The following LCP2 variants were observed in gnomAD, a reference collection of about 807,000 sequenced individuals.
The protein encoded by LCP2 is lymphocyte cytosolic protein 2.
Under a neutral mutation model 74.5 loss-of-function variants are expected in LCP2, and 29 were observed. The observed-to-expected ratio is 0.39, with a 90% CI of 0.29 to 0.53. The LOEUF (loss-of-function observed/expected upper bound fraction) is 0.53. LCP2 is among the 20% of genes least tolerant of loss of function. The pLI, the probability that LCP2 is intolerant of heterozygous loss-of-function variation, is 0.72. For synonymous variants in LCP2, 228 were observed against 229.5 expected, an observed-to-expected ratio of 0.99 and a Z score of 0.06; for missense variants, 604 against 634.6, an observed-to-expected ratio of 0.95 and a Z score of 0.52.
At chr5:170,267,409 G>A (rs1229760075) in intron 8 of LCP2, 2 of 406,478 alleles carry the variant, frequency 4.9e-6, no homozygotes, top group Non-Finnish European at 9.1e-6. Flanking sequence ...TCTTTCCTGT[G>A]ATCCCTTCTC....
At chr5:170,254,298 G>C (rs993328271) in intron 17 of LCP2, among the ~76,000 whole-genome samples, 1 of 152,166 alleles carries the variant, frequency 6.6e-6, no homozygotes, top group African/African-American at 2.4e-5. Context: ...AGCACCTGGG[G>C]CTCAGAAATC....
At chr5:170,290,017 G>A (rs1020336424) in intron 2 of LCP2, among the ~76,000 whole-genome samples, 1 of 152,142 alleles carries the variant, frequency 6.6e-6, no homozygotes, top group East Asian at 1.9e-4. Context: ...GAGGAGCAGG[G>A]TGTCAGGAAA....
At chr5:170,289,772 T>C (rs1349977648) in intron 2 of LCP2, among the ~76,000 whole-genome samples, 4 of 140,922 alleles carry the variant, frequency 2.8e-5, no homozygotes, top group Admixed American at 1.4e-4. Flanking sequence ...TTTTTTTTCA[T>C]CACTGAGCAG....
At chr5:170,258,931 TTAAAA>T (rs1761607938) in intron 14 of LCP2, 53 bp from the exon 15 acceptor site, 1 of 1,312,160 alleles carries the variant, frequency 7.6e-7, no homozygotes, top group Non-Finnish European at 1.1e-6. Flanking sequence ...AATACAATTC[TTAAAA>T]TAAAAACTGC....
chr5:170,278,043 C>T (rs777778723), intron 3 of LCP2, among the ~76,000 whole-genome samples: 4 of 151,066 alleles, frequency 2.6e-5, no homozygotes, highest in Non-Finnish European at 2.9e-5. Flanking sequence ...TTCAAGAAGA[C>T]GATGGGCATG....
At position 170,270,595 on chromosome 5, in the gene LCP2, G is replaced by A. The variant is rs947382079; in HGVS notation, c.523+124C>T. ...AAAGCCACATAGCTGTTAAGAAGCCGAGCAGATATCGAGACCCAGAGCTTT... is the reference window on the plus strand; with the variant it reads ...AAAGCCACATAGCTGTTAAGAAGCCAAGCAGATATCGAGACCCAGAGCTTT... On this transcript the variant is annotated intron_variant, in intron 7 of 20. Transcript: ENST00000046794. 2.2e-5 allele frequency: 17 copies of A among 772,880 alleles called. No individual in the cohort carries two copies. The East Asian group carries it at 2.5e-4, about 11-fold the overall frequency. 47.9% of individuals were successfully genotyped at this position (772,880 alleles called of 1,614,324 possible).
chr5:170,259,734 C>T (rs532048798), intron 14 of LCP2, among the ~76,000 whole-genome samples: 3 of 152,190 alleles, frequency 2.0e-5, no homozygotes, highest in South Asian at 4.1e-4. Flanking sequence ...TGAGAGAAGG[C>T]GAAAAAGGCC....
At chr5:170,267,889 C>G (rs1181408238) in intron 8 of LCP2, among the ~76,000 whole-genome samples, 1 of 152,192 alleles carries the variant, frequency 6.6e-6, no homozygotes, top group African/African-American at 2.4e-5. Flanking sequence ...ACATTCCTAA[C>G]TATCAAGTCC....
At position 170,297,562 on chromosome 5, in the gene LCP2, G is replaced by C. The variant is rs1362876327; in HGVS notation, c.50C>G (p.Pro17Arg). ...PFRSEVLGWD[P>R]DSLADYFKKL... ...CTTGAAATAGTCAGCAAGGCTGTCGGGGTCCCAGCCCAGGACCTCTGAGCG... is the reference window on the plus strand; with the variant it reads ...CTTGAAATAGTCAGCAAGGCTGTCGCGGTCCCAGCCCAGGACCTCTGAGCG... The change falls in exon 1 of 21, where the codon CCC (proline) becomes CGC (arginine). Residue 17 changes from proline (P) to arginine (R), a missense_variant. By Grantham distance (103) the Pro-to-Arg change is moderately radical. Coordinates refer to ENST00000046794, the MANE Select transcript of LCP2 (RefSeq NM_005565.5). 6.2e-7 allele frequency: 1 copy of C among 1,613,140 alleles called. No homozygotes were observed. Among genetic ancestry groups the C allele is most frequent in the Non-Finnish European group, 8.5e-7 (1 of 1,179,534 alleles).
At chr5:170,252,002 C>T (rs1042877510) in intron 19 of LCP2, 7 of 199,392 alleles carry the variant, frequency 3.5e-5, no homozygotes, top group East Asian at 1.1e-4. Context: ...TAGCTAGAAA[C>T]GTCTAGGGCA....
chr5:170,270,312 A>G (rs933582288), intron 7 of LCP2, among the ~76,000 whole-genome samples: 5 of 152,262 alleles, frequency 3.3e-5, no homozygotes, highest in Admixed American at 3.3e-4. Flanking sequence ...TTCTAGCATA[A>G]TAATGCCATG....
chr5:170,297,285 G>A (rs999394551), intron 1 of LCP2, among the ~76,000 whole-genome samples: 6 of 152,174 alleles, frequency 3.9e-5, no homozygotes, highest in African/African-American at 1.4e-4. Context: ...GTGAGACACC[G>A]AATTCAAACC....
chr5:170,272,293 ATGT>A (rs1317438759), intron 6 of LCP2, among the ~76,000 whole-genome samples: 1 of 152,206 alleles, frequency 6.6e-6, no homozygotes. Context: ...TGTATGCATG[ATGT>A]TGTTGCTAAT....
At chr5:170,281,470 CA>C (rs1762102111) in intron 3 of LCP2, among the ~76,000 whole-genome samples, 3 of 152,164 alleles carry the variant, frequency 2.0e-5, no homozygotes, top group South Asian at 2.1e-4. Flanking sequence ...TTAGTAGAAA[CA>C]GCGTTTCACT....
At position 170,287,502 on chromosome 5, in the gene LCP2, C is replaced by G. The variant is rs961243597; in HGVS notation, c.188+468G>C. 3.9e-5 allele frequency among the ~76,000 whole-genome samples: 6 copies of G among 152,320 alleles called. No homozygotes were observed. The East Asian group carries it at 1.2e-3, about 29-fold the overall frequency. ...ACAGCTCCCTTTCCTCGGGATTCTT[C>G]TCAACATAACACCCCTGTCAGATAT... On this transcript the variant is annotated intron_variant, in intron 3 of 20. Transcript: ENST00000046794.
At chr5:170,273,221 G>A (rs1183771927) in intron 6 of LCP2, among the ~76,000 whole-genome samples, 3 of 151,876 alleles carry the variant, frequency 2.0e-5, no homozygotes, top group Non-Finnish European at 4.4e-5. Flanking sequence ...GAAGCCCTCA[G>A]TTTACAGAGA....
At chr5:170,278,907 AAAGCACCTTCC>A in intron 3 of LCP2, among the ~76,000 whole-genome samples, 1 of 148,150 alleles carries the variant, frequency 6.7e-6, no homozygotes, top group South Asian at 2.1e-4. Flanking sequence ...GGGGCTACAG[AAAGCACCTTCC>A]AAGCCTGTGG....
In LCP2 at chr5:170,247,197, T is replaced by C. The variant is rs897932250; in HGVS notation, c.*1500A>G. The C allele has an allele frequency of 6.6e-6, 1 of 152,212 alleles. No homozygotes were observed. The highest frequency in any genetic ancestry group is 1.5e-5 in the Non-Finnish European group (1 of 68,040). The allele number at this position is 152,212 out of a possible 1,614,324, so 9.4% of individuals were successfully genotyped here. A position where few individuals can be genotyped will look rare whatever the true frequency, so the allele number is the denominator to read the frequency against. Reference sequence around the variant, plus strand: ...AGCCACTAAGTAAATACTTGCTGAATAGCCCGTTGTGTAGACGTGTAAATG... The same window carrying C: ...AGCCACTAAGTAAATACTTGCTGAACAGCCCGTTGTGTAGACGTGTAAATG... On this transcript the variant is annotated 3_prime_UTR_variant, in exon 21 of 21. Transcript: ENST00000046794.
intron 8 of LCP2, 101 bp from the exon 9 acceptor site, chr5:170,267,176 G>T: frequency 1.7e-6 from 2 of 1,169,618 alleles, no homozygotes; most frequent in Non-Finnish European, 2.5e-6. Context: ...TCATCTTCAT[G>T]TTCTGCCTAC....
Sources: allele counts gnomAD v4.1 joint callset (sites outside exome capture counted in the v4.1 genomes callset), GRCh38; gene constraint gnomAD v4.1.1; transcripts MANE v1.5; gene names NCBI Gene and HGNC (gene_info 2026-07-23, HGNC 2026-07-21).